Variants in CTNNA2 observed in about 807,000 individuals in gnomAD.
CTNNA2 encodes catenin alpha-2.
A neutral mutation model predicts 101.0 loss-of-function variants in CTNNA2; 42 were observed. The ratio of observed to expected loss-of-function variants is 0.42; its 90% CI spans 0.32 to 0.54. CTNNA2 has a LOEUF of 0.54. CTNNA2 is among the 20% of genes least tolerant of loss of function. The probability of loss-of-function intolerance (pLI) is 0.14; values close to 1 mark genes in which losing one functional copy is unlikely to be tolerated. For synonymous variants in CTNNA2, 450 were observed against 456.4 expected (o/e 0.99, Z 0.18); for missense variants, 871 against 1,223.1 (o/e 0.71, Z 4.29).
chr2:79,897,048 T>C (rs909655345), intron 6 of CTNNA2, among the ~76,000 whole-genome samples: 11 of 152,168 alleles, frequency 7.2e-5, no homozygotes, highest in Middle Eastern at 3.4e-3. Context: ...GAGATTATAT[T>C]TTTTTTACAC....
chr2:80,506,250 T>C (rs1002776115), intron 9 of CTNNA2, among the ~76,000 whole-genome samples: 3 of 152,154 alleles, frequency 2.0e-5, no homozygotes, highest in African/African-American at 7.2e-5. Flanking sequence ...GGAGGCTTCC[T>C]GGAGGAGGCA....
intron 7 of CTNNA2, among the ~76,000 whole-genome samples, chr2:80,109,672 C>A (rs1268116829): frequency 6.6e-6 from 1 of 152,118 alleles, no homozygotes; most frequent in Middle Eastern, 3.2e-3. Context: ...CGTGGAAACA[C>A]ATGCTCTGAT....
intron 7 of CTNNA2, among the ~76,000 whole-genome samples, chr2:80,008,340 C>T (rs1055753271): frequency 5.9e-5 from 9 of 152,156 alleles, no homozygotes; most frequent in African/African-American, 1.9e-4. Flanking sequence ...GAACTGAACC[C>T]CTGTGGTGAG....
At chr2:79,885,530 G>T (rs968961698) in intron 6 of CTNNA2, among the ~76,000 whole-genome samples, 2 of 152,138 alleles carry the variant, frequency 1.3e-5, no homozygotes, top group Non-Finnish European at 2.9e-5. Context: ...ATCTTGTTCT[G>T]TCCCTTCTCA....
chr2:79,661,624 T>A (rs1057443529), intron 2 of CTNNA2, among the ~76,000 whole-genome samples: 26 of 152,198 alleles, frequency 1.7e-4, no homozygotes, highest in Admixed American at 1.7e-3. Context: ...GGACTAGATT[T>A]TCAAAACTAC....
At chr2:80,621,241 A>G (rs1218389716) in intron 18 of CTNNA2, among the ~76,000 whole-genome samples, 3 of 151,932 alleles carry the variant, frequency 2.0e-5, no homozygotes, top group Non-Finnish European at 4.4e-5. Context: ...CTAAAAATCT[A>G]TGGTTTTATG....
At chr2:80,476,225 C>G (rs149317767) in intron 9 of CTNNA2, among the ~76,000 whole-genome samples, 24 of 152,216 alleles carry the variant, frequency 1.6e-4, no homozygotes, top group African/African-American at 5.3e-4. Flanking sequence ...TCTGAGAAGT[C>G]GGGCTGGAGC....
At chr2:79,293,278 G>T (rs1009512807) in intron 2 of CTNNA2, 1 of 152,174 alleles carries the variant, frequency 6.6e-6, no homozygotes, top group Non-Finnish European at 1.5e-5. Context: ...TTTTCATGAG[G>T]TATGTGGGCC....
In CTNNA2 at chr2:80,431,649, C is replaced by A. The variant is rs535732552; in HGVS notation, c.1290+12048C>A. On this transcript the variant is annotated intron_variant, in intron 9 of 18. Coordinates refer to ENST00000402739, the MANE Select transcript of CTNNA2 (RefSeq NM_001282597.3). ...AGCTGGTAGTTGAGCTGTTCTAAATCGTGAACTGATCGGCAATATGGAACC... is the reference window on the plus strand; with the variant it reads ...AGCTGGTAGTTGAGCTGTTCTAAATAGTGAACTGATCGGCAATATGGAACC... Among the ~76,000 whole-genome samples, 4 of 152,296 alleles carry A rather than the reference C, an allele frequency of 2.6e-5. No homozygotes were observed. In the South Asian group the frequency reaches 8.3e-4, roughly 32 times the overall value.
At chr2:80,323,047 T>A (rs1280064908) in intron 7 of CTNNA2, among the ~76,000 whole-genome samples, 1 of 152,194 alleles carries the variant, frequency 6.6e-6, no homozygotes, top group Non-Finnish European at 1.5e-5. Flanking sequence ...GAGAAGTGCG[T>A]GCCCTGTCGT....
chr2:80,368,398 G>A lies in CTNNA2; in HGVS notation c.1057-24813G>A, dbSNP rs763146682. ...ATGTAGAGGACAGAAATTGTCTCAC[G>A]CTGTAAAGCTAATTCCCATCATATA... is the stretch of plus-strand genomic sequence containing the variant. On this transcript the variant is annotated intron_variant, in intron 7 of 18. Coordinates refer to ENST00000402739, the MANE Select transcript of CTNNA2 (RefSeq NM_001282597.3). Among the ~76,000 whole-genome samples the A allele has an allele frequency of 5.7e-4, 87 of 152,238 alleles. 1 individual carries two copies. Among genetic ancestry groups the A allele is most frequent in the African/African-American group, 1.5e-3 (61 of 41,556 alleles).
intron 7 of CTNNA2, among the ~76,000 whole-genome samples, chr2:80,030,758 A>G (rs180859114): frequency 6.6e-6 from 1 of 152,336 alleles, no homozygotes; most frequent in East Asian, 1.9e-4. Context: ...AGGATATGTA[A>G]CAGACAAGTG....
chr2:80,352,318 A>G (rs1417336880), intron 7 of CTNNA2, among the ~76,000 whole-genome samples: 2 of 152,184 alleles, frequency 1.3e-5, no homozygotes, highest in East Asian at 1.9e-4. Context: ...AGAGCGACCT[A>G]TAAAGGAGCC....
chr2:79,863,823 A>T (rs1178411552), intron 4 of CTNNA2, among the ~76,000 whole-genome samples: 1 of 152,122 alleles, frequency 6.6e-6, no homozygotes, highest in Non-Finnish European at 1.5e-5. Context: ...CTAAGGTGCC[A>T]CACAATATAA....
At chr2:79,763,320 AC>A (rs1308527393) in intron 3 of CTNNA2, among the ~76,000 whole-genome samples, 12 of 152,094 alleles carry the variant, frequency 7.9e-5, no homozygotes, top group African/African-American at 2.4e-4. Flanking sequence ...TCTTGCACAG[AC>A]CCTGATATTT....
At chr2:79,836,995 T>A (rs1357026109) in intron 3 of CTNNA2, among the ~76,000 whole-genome samples, 3 of 152,192 alleles carry the variant, frequency 2.0e-5, no homozygotes, top group African/African-American at 7.2e-5. Flanking sequence ...GACCCCTGTT[T>A]CCAAGTAAGG....
chr2:79,364,760 G>C (rs757921498), intron 3 of CTNNA2, among the ~76,000 whole-genome samples: 57 of 152,186 alleles, frequency 3.7e-4, no homozygotes, highest in Non-Finnish European at 7.5e-4. Context: ...GTCAAAAGTA[G>C]ATTTCTCATG....
chr2:79,756,517 T>G (rs1321158232), intron 3 of CTNNA2, among the ~76,000 whole-genome samples: 1 of 152,104 alleles, frequency 6.6e-6, no homozygotes. Context: ...GCTATGGAAG[T>G]GCAATTTAAA....
At chr2:79,708,884 A>G (rs573171196) in intron 2 of CTNNA2, among the ~76,000 whole-genome samples, 12 of 152,338 alleles carry the variant, frequency 7.9e-5, no homozygotes, top group African/African-American at 2.6e-4. Flanking sequence ...AAATCATGGC[A>G]GCCTTCCTGG....
Sources: allele counts gnomAD v4.1 joint callset (sites outside exome capture counted in the v4.1 genomes callset), GRCh38; gene constraint gnomAD v4.1.1; transcripts MANE v1.5; gene names NCBI Gene and HGNC (gene_info 2026-07-23, HGNC 2026-07-21).